The following DAB1 variants were observed in gnomAD, a reference collection of about 807,000 sequenced individuals.
DAB1 encodes DAB adaptor protein 1.
In DAB1, 15 loss-of-function variants were observed where a neutral mutation model predicts 64.6. The observed-to-expected ratio is 0.23, with a 90% CI of 0.16 to 0.36. DAB1 has a LOEUF of 0.36. Among genes scored for constraint, DAB1 ranks in the 10% least tolerant of loss-of-function variants. The pLI is 1.00. For synonymous variants in DAB1, 235 were observed against 251.9 expected, an observed-to-expected ratio of 0.93 and a Z score of 0.64; for missense variants, 596 against 706.7, an observed-to-expected ratio of 0.84 and a Z score of 1.78.
intron 1 of DAB1, among the ~76,000 whole-genome samples, chr1:57,401,628 T>TGATCTTAA (rs1683252029): frequency 6.6e-6 from 1 of 152,170 alleles, no homozygotes; most frequent in Admixed American, 6.5e-5. Flanking sequence ...AATCACACAG[T>TGATCTTAA]GAGCAGGGAT....
chr1:57,681,797 AG>A (rs1411550102), intron 6 of DAB1, among the ~76,000 whole-genome samples: 2 of 152,186 alleles, frequency 1.3e-5, no homozygotes, highest in East Asian at 3.9e-4. Flanking sequence ...TGCTTGGGAA[AG>A]TAAGTGTGAT....
intron 6 of DAB1, among the ~76,000 whole-genome samples, chr1:57,756,123 G>A (rs993658671): frequency 6.6e-6 from 1 of 152,154 alleles, no homozygotes; most frequent in African/African-American, 2.4e-5. Context: ...CCCGAAAACT[G>A]GGTCATCTCC....
chr1:57,781,086 TTCTCTCTCTCTCTCTCTCTC>T (rs1180662610), intron 6 of DAB1, among the ~76,000 whole-genome samples: 3 of 42,102 alleles, frequency 7.1e-5, no homozygotes, highest in Non-Finnish European at 1.0e-4. Context: ...TTTGAGATCA[TTCTCTCTCTCTCTCTCTCTC>T]TCTCTCTCTC....
chr1:57,970,371 G>C (rs749579343), intron 5 of DAB1, among the ~76,000 whole-genome samples: 1 of 152,042 alleles, frequency 6.6e-6, no homozygotes, highest in Non-Finnish European at 1.5e-5. Context: ...CTCCTTCAAA[G>C]GGTCAGCTTT....
chr1:57,963,292 C>A (rs550225137), intron 5 of DAB1, among the ~76,000 whole-genome samples: 1 of 152,294 alleles, frequency 6.6e-6, no homozygotes, highest in South Asian at 2.1e-4. Flanking sequence ...GCCATGCAAG[C>A]ATATTAGCAT....
At chr1:57,058,094 T>G (rs1010492644) in intron 9 of DAB1, among the ~76,000 whole-genome samples, 1 of 152,166 alleles carries the variant, frequency 6.6e-6, no homozygotes, top group Admixed American at 6.5e-5. Flanking sequence ...GCAAGATGTT[T>G]TGGCTTTGCC....
chr1:58,453,779 G>A (rs1310666465), intron 3 of DAB1, among the ~76,000 whole-genome samples: 1 of 152,162 alleles, frequency 6.6e-6, no homozygotes, highest in African/African-American at 2.4e-5. Flanking sequence ...ACTAGCTTTA[G>A]TAGAAGGCAT....
chr1:57,608,778 T>A (rs1043206493), intron 7 of DAB1, among the ~76,000 whole-genome samples: 4 of 152,142 alleles, frequency 2.6e-5, no homozygotes, highest in African/African-American at 9.7e-5. Context: ...CTATATTAAA[T>A]CTACCAGGTT....
At chr1:58,036,526 CA>C (rs1647047541) in intron 5 of DAB1, among the ~76,000 whole-genome samples, 1 of 152,190 alleles carries the variant, frequency 6.6e-6, no homozygotes, top group Non-Finnish European at 1.5e-5. Flanking sequence ...TACTTTATCA[CA>C]ATCCACCAAA....
At chr1:57,598,286 T>A (rs1366563418) in intron 7 of DAB1, among the ~76,000 whole-genome samples, 1 of 152,254 alleles carries the variant, frequency 6.6e-6, no homozygotes, top group Non-Finnish European at 1.5e-5. Context: ...CCAGCCGGTA[T>A]CCACATTTTA....
At chr1:57,982,377 T>A (rs1646087645) in intron 5 of DAB1, among the ~76,000 whole-genome samples, 1 of 152,200 alleles carries the variant, frequency 6.6e-6, no homozygotes, top group South Asian at 2.1e-4. Flanking sequence ...ATATTTGACA[T>A]TAATAGTATA....
chr1:57,289,596 C>T (rs1672603112), intron 2 of DAB1, among the ~76,000 whole-genome samples: 1 of 152,188 alleles, frequency 6.6e-6, no homozygotes, highest in African/African-American at 2.4e-5. Flanking sequence ...GGGCTTCTGG[C>T]TGTCAAAGAG....
intron 1 of DAB1, among the ~76,000 whole-genome samples, chr1:57,295,909 A>G (rs572892957): frequency 7.2e-5 from 11 of 152,222 alleles, no homozygotes; most frequent in African/African-American, 2.2e-4. Context: ...ATTCAATTTT[A>G]TGTTAAATGG....
At chr1:58,517,077 G>C (rs1181530541) in intron 2 of DAB1, among the ~76,000 whole-genome samples, 3 of 152,168 alleles carry the variant, frequency 2.0e-5, no homozygotes, top group Non-Finnish European at 4.4e-5. Context: ...ATCAAGTCCA[G>C]GATACCCAAA....
chr1:57,580,752 A>T (rs1645303537), intron 7 of DAB1, among the ~76,000 whole-genome samples: 1 of 152,190 alleles, frequency 6.6e-6, no homozygotes, highest in South Asian at 2.1e-4. Context: ...CAAGCATCAG[A>T]TCAGTGCTTT....
At position 58,134,451 on chromosome 1, in the gene DAB1, T is replaced by C. The variant is rs555378340; in HGVS notation, n.387+16060A>G. Among the ~76,000 whole-genome samples the C allele has an allele frequency of 4.6e-5, 7 of 152,070 alleles. No individual in the cohort carries two copies. The South Asian group carries it at 8.3e-4, about 18-fold the overall frequency. On this transcript the variant is annotated intron_variant and non_coding_transcript_variant, in intron 5 of 20. Coordinates refer to the DAB1 transcript ENST00000485760. Reference sequence around the variant, plus strand: ...TCACCTTGGGGTTTCAGTTCCAACATACAAATTGTATTAGTCCATTCTCAC... The same window carrying C: ...TCACCTTGGGGTTTCAGTTCCAACACACAAATTGTATTAGTCCATTCTCAC...
chr1:57,678,422 G>A (rs1367777117), intron 6 of DAB1, among the ~76,000 whole-genome samples: 2 of 152,158 alleles, frequency 1.3e-5, no homozygotes, highest in East Asian at 3.8e-4. Flanking sequence ...GCCAGGTAGG[G>A]GGCAGGTTAG....
At chr1:57,911,581 C>T (rs966281940) in intron 5 of DAB1, among the ~76,000 whole-genome samples, 7 of 152,180 alleles carry the variant, frequency 4.6e-5, no homozygotes, top group Non-Finnish European at 8.8e-5. Context: ...GGCACCCCAT[C>T]GGACCTCAGC....
intron 6 of DAB1, among the ~76,000 whole-genome samples, chr1:57,803,672 A>G (rs1651233501): frequency 6.6e-6 from 1 of 152,228 alleles, no homozygotes; most frequent in Admixed American, 6.5e-5. Flanking sequence ...CGTCAATGTC[A>G]GTTTTAGTGC....
Sources: gnomAD v4.1 joint callset for allele counts (sites outside exome capture counted in the v4.1 genomes callset) on GRCh38, gnomAD v4.1.1 for gene constraint, MANE v1.5 for transcripts, NCBI Gene and HGNC (gene_info 2026-07-23, HGNC 2026-07-21) for gene names.